The following URGCP variants were observed in gnomAD, a reference collection of about 807,000 sequenced individuals.
The protein encoded by URGCP is up-regulator of cell proliferation.
URGCP carries 13 observed loss-of-function variants against 24.6 expected under a neutral mutation model. The observed-to-expected ratio is 0.53, with a 90% CI of 0.34 to 0.84. The LOEUF is 0.84. URGCP is among the 40% of genes least tolerant of loss of function. URGCP has a pLI of 0.01. For synonymous variants in URGCP, 444 were observed against 487.2 expected, an observed-to-expected ratio of 0.91 and a Z score of 1.17; for missense variants, 899 against 1,194.3, an observed-to-expected ratio of 0.75 and a Z score of 3.64.
chr7:43,887,301 AT>A, intron 3 of URGCP, 113 bp downstream of exon 3: 1 of 1,252,406 alleles, frequency 8.0e-7, no homozygotes, highest in Non-Finnish European at 1.1e-6. Flanking sequence ...AAACTTATTT[AT>A]TTTTGAGATG....
At chr7:43,920,524 T>C (rs1318542650) in intron 1 of URGCP, among the ~76,000 whole-genome samples, 2 of 152,174 alleles carry the variant, frequency 1.3e-5, no homozygotes, top group Non-Finnish European at 2.9e-5. Flanking sequence ...GATCGCACCA[T>C]TGCACAACGG....
intron 1 of URGCP, among the ~76,000 whole-genome samples, chr7:43,913,658 A>G (rs187092907): frequency 1.4e-3 from 219 of 152,118 alleles, no homozygotes; most frequent in African/African-American, 4.9e-3. Flanking sequence ...CACACTTTCA[A>G]GATTCTCTGT....
intron 1 of URGCP, among the ~76,000 whole-genome samples, chr7:43,892,335 T>C (rs1029393387): frequency 4.7e-5 from 7 of 149,698 alleles, no homozygotes; most frequent in Admixed American, 2.7e-4. Context: ...GTGATTCTCC[T>C]GCCTCAGCCA....
rs1055381278 is a variant in URGCP, at chr7:43,879,137, T to G, written c.326A>C (p.Gln109Pro). 1 of 1,614,198 alleles carries G rather than the reference T, an allele frequency of 6.2e-7. No individual in the cohort carries two copies. The highest frequency in any genetic ancestry group is 1.7e-5 in the Admixed American group (1 of 60,018). ...ATTCCAGGGCAAGTCTTTGGGAACCTGAGGGGCCCAGTTCTTCATACTGTC... is the reference window on the plus strand; with the variant it reads ...ATTCCAGGGCAAGTCTTTGGGAACCGGAGGGGCCCAGTTCTTCATACTGTC... ...SFDSMKNWAP[Q>P]VPKDLPWNFL... The change falls in exon 6 of 6, where the codon CAG becomes CCG. Residue 109 changes from glutamine to proline, a missense_variant. Transcript: ENST00000453200.
chr7:43,879,245 A>C lies in URGCP; in HGVS notation c.218T>G (p.Leu73Arg), dbSNP rs1156548567. 1 of 1,610,132 alleles carries C rather than the reference A, an allele frequency of 6.2e-7. No homozygotes were observed. The change falls in exon 6 of 6, where the codon CTT becomes CGT. Residue 73 changes from leucine (L) to arginine (R), a missense_variant. Physicochemically the swap from Leu to Arg is moderately radical, Grantham distance 102. Coordinates refer to ENST00000453200, the MANE Select transcript of URGCP (RefSeq NM_001077663.3). The stretch of plus-strand genomic sequence containing the variant: ...GCCCAAAAGTGACAGCATTTCTTGA[A>C]GCCTGCTTCTCTCCACTGTGGAAAG... ...NDFPTVERSRLQEMLSLLGLE... is the reference protein window; with the variant it reads ...NDFPTVERSRRQEMLSLLGLE...
intron 5 of URGCP, among the ~76,000 whole-genome samples, 177 bp downstream of exon 5, chr7:43,881,482 T>G (rs969314098): frequency 6.2e-5 from 9 of 146,226 alleles, no homozygotes; most frequent in African/African-American, 2.2e-4. Context: ...GGGTTTTTTT[T>G]TTTTTTTTTT....
chr7:43,887,932 T>C, intron 1 of URGCP, 116 bp from the exon 2 acceptor site: 1 of 661,458 alleles, frequency 1.5e-6, no homozygotes, highest in Non-Finnish European at 2.6e-6. Flanking sequence ...GGTCAAATTC[T>C]GCAGCCATTA....
At chr7:43,920,286 G>C (rs974252175) in intron 1 of URGCP, among the ~76,000 whole-genome samples, 1 of 152,188 alleles carries the variant, frequency 6.6e-6, no homozygotes, top group African/African-American at 2.4e-5. Context: ...TCTGAGGGGA[G>C]TGCAGTGACA....
upstream of URGCP, among the ~76,000 whole-genome samples, chr7:43,909,385 G>C (rs1167167049): frequency 1.3e-5 from 2 of 152,162 alleles, no homozygotes; most frequent in Non-Finnish European, 2.9e-5. Context: ...AAAACACTGT[G>C]TAACTTTTAC....
intron 1 of URGCP, among the ~76,000 whole-genome samples, chr7:43,922,976 T>C (rs980907577): frequency 2.0e-5 from 3 of 151,802 alleles, no homozygotes; most frequent in Non-Finnish European, 4.4e-5. Context: ...CCTCTCTCTC[T>C]CTCTTACTTT....
At chr7:43,918,980 G>C in intron 1 of URGCP, 1 of 1,299,414 alleles carries the variant, frequency 7.7e-7, no homozygotes, top group Middle Eastern at 1.8e-4. Flanking sequence ...ACCTGTCGGA[G>C]CATGGGGGAA....
At chr7:43,923,417 G>C (rs1053382663) in intron 1 of URGCP, among the ~76,000 whole-genome samples, 4 of 151,496 alleles carry the variant, frequency 2.6e-5, no homozygotes, top group African/African-American at 9.7e-5. Context: ...CTCCCGAATA[G>C]CTGTGCCCTC....
chr7:43,891,209 G>A (rs533576136), intron 1 of URGCP, among the ~76,000 whole-genome samples: 1 of 152,274 alleles, frequency 6.6e-6, no homozygotes. Flanking sequence ...CCCAAGTTTT[G>A]CTCCAGATCA....
At chr7:43,890,089 G>C (rs1348402539) in intron 1 of URGCP, among the ~76,000 whole-genome samples, 1 of 151,694 alleles carries the variant, frequency 6.6e-6, no homozygotes, top group African/African-American at 2.4e-5. Context: ...ATTTTTAATA[G>C]AGACAGGGTT....
upstream of URGCP, among the ~76,000 whole-genome samples, chr7:43,911,465 G>A (rs959379362): frequency 2.6e-5 from 4 of 152,054 alleles, no homozygotes; most frequent in African/African-American, 9.7e-5. Flanking sequence ...GGAGGCTGAG[G>A]AGGGTGGATC....
chr7:43,878,190 C>T lies in URGCP; in HGVS notation c.1273G>A (p.Asp425Asn), dbSNP rs564610799. The T allele has an allele frequency of 9.3e-6, 15 of 1,614,226 alleles. No homozygotes were observed. The highest frequency in any genetic ancestry group is 2.7e-5 in the African/African-American group (2 of 75,056). The part of the protein sequence containing the change: ...VLVKVSSTDS[D>N]SFVKRIRAIV... ...GCCCGGATCCTCTTCACGAAGCTGT[C>T]GCTGTCAGTGCTGCTGACCTTTACC... The change falls in exon 6 of 6, where the codon GAC becomes AAC. Residue 425 changes from aspartate (D) to asparagine (N), a missense_variant. Physicochemically the swap from Asp to Asn is conservative, Grantham distance 23. Transcript: ENST00000453200. This position sits in a 1 kb window ranked among gnomAD's most constrained non-coding sequence, Gnocchi z 5.6.
chr7:43,906,843 C>T (rs1160606185), upstream of URGCP: 2 of 250,522 alleles, frequency 8.0e-6, no homozygotes, highest in Non-Finnish European at 1.5e-5. Context: ...CGGAACTCGC[C>T]GGGCGGTGCC....
chr7:43,908,175 G>A (rs35117634), upstream of URGCP, among the ~76,000 whole-genome samples: 17,771 of 152,176 alleles, frequency 0.12, 1,179 homozygotes, highest in Admixed American at 0.18. Context: ...TCCACTTCCC[G>A]GGTTCAAGCA....
Position 43,887,515 on chromosome 7 carries a change from T to TA in URGCP, c.42-31dup, listed in dbSNP as rs752129582. 7.0e-5 allele frequency: 113 copies of TA among 1,609,432 alleles called. No individual in the cohort carries two copies. The East Asian group carries it at 2.5e-3, about 36-fold the overall frequency. On this transcript the variant is annotated intron_variant, in intron 2 of 5. Coordinates refer to ENST00000453200, the MANE Select transcript of URGCP (RefSeq NM_001077663.3). ...AACAATTTCAGAAGAAAATTATAATTAAAAAAATGGAATACCACTTTCACC... is the reference window on the plus strand; with the variant it reads ...AACAATTTCAGAAGAAAATTATAATTAAAAAAAATGGAATACCACTTTCACC...
Sources: allele counts gnomAD v4.1 joint callset (sites outside exome capture counted in the v4.1 genomes callset), GRCh38; gene constraint gnomAD v4.1.1; non-coding constraint Gnocchi (gnomAD v3.1); transcripts MANE v1.5; gene names NCBI Gene and HGNC (gene_info 2026-07-23, HGNC 2026-07-21).